Variants in PUM1 observed in about 807,000 individuals in gnomAD.
PUM1 encodes the protein pumilio RNA binding family member 1.
In PUM1, 13 loss-of-function variants were observed where a neutral mutation model predicts 131.8. The ratio of observed to expected loss-of-function variants is 0.10; its 90% CI spans 0.06 to 0.16. PUM1 has a LOEUF of 0.16. PUM1 is among the 10% of genes least tolerant of loss of function. The pLI, the probability that PUM1 is intolerant of heterozygous loss-of-function variation, is 1.00. For missense variants in PUM1, 961 were observed against 1,512.4 expected (o/e 0.64, Z 6.05); for synonymous variants, 509 against 556.5 (o/e 0.91, Z 1.20).
At chr1:31,029,806 C>CAGCA (rs1643352701) in intron 2 of PUM1, among the ~76,000 whole-genome samples, 1 of 151,224 alleles carries the variant, frequency 6.6e-6, no homozygotes, top group Non-Finnish European at 1.5e-5. Flanking sequence ...CCCAGATACT[C>CAGCA]AGCAGGGTGA....
intron 11 of PUM1, chr1:30,968,153 T>C (rs1640701172): frequency 2.6e-6 from 2 of 778,024 alleles, no homozygotes; most frequent in Non-Finnish European, 4.6e-6. Context: ...ATACCTCCAA[T>C]ATGACTTAAG....
In PUM1 at chr1:31,059,440, C is replaced by G; in HGVS notation, c.127G>C (p.Gly43Arg). Residue 43 changes from glycine to arginine, a missense_variant, in exon 2 of 22, where the codon GGG becomes CGG. This residue lies in a region of PUM1 where 654 missense variants were observed against 923.9 expected (regional missense o/e 0.71). Coordinates refer to ENST00000426105, the MANE Select transcript of PUM1 (RefSeq NM_001020658.2). ...GCTGGTTGTGGCTGCGCTTGCGACC[C>G]TGTTCCAGATGTCAAAACAACAGGC... ...NMPVVLTSGT[G>R]SQAQPQPAAN... 6.2e-7 allele frequency: 1 copy of G among 1,614,192 alleles called. No individual in the cohort carries two copies. Among genetic ancestry groups the G allele is most frequent in the Non-Finnish European group, 8.5e-7 (1 of 1,180,034 alleles).
chr1:30,961,704 CAA>C (rs1386972751), intron 14 of PUM1, among the ~76,000 whole-genome samples: 2 of 151,882 alleles, frequency 1.3e-5, no homozygotes, highest in East Asian at 3.9e-4. Flanking sequence ...CCTCCTGGGA[CAA>C]AGTGTAAAAA....
chr1:31,004,701 C>G (rs1642337904), intron 5 of PUM1, among the ~76,000 whole-genome samples: 1 of 152,108 alleles, frequency 6.6e-6, no homozygotes, highest in Non-Finnish European at 1.5e-5. Flanking sequence ...CTTGAGAAAG[C>G]TGCACCAAAA....
intron 3 of PUM1, among the ~76,000 whole-genome samples, chr1:31,019,842 G>C (rs1390809331): frequency 6.6e-6 from 1 of 151,934 alleles, no homozygotes; most frequent in Non-Finnish European, 1.5e-5. Context: ...TATAAGGGAT[G>C]TTATGTTATC....
intron 20 of PUM1, among the ~76,000 whole-genome samples, chr1:30,937,481 A>G (rs1236828343): frequency 6.6e-6 from 1 of 152,014 alleles, no homozygotes; most frequent in Non-Finnish European, 1.5e-5. Flanking sequence ...CTCCAGCCTG[A>G]GCGACAGAGC....
chr1:30,947,415 C>A (rs1639721768), intron 17 of PUM1, among the ~76,000 whole-genome samples: 1 of 152,166 alleles, frequency 6.6e-6, no homozygotes, highest in Non-Finnish European at 1.5e-5. Context: ...AGGAATGGTT[C>A]TCAATTAATG....
chr1:31,048,084 C>CA (rs1431620018), intron 2 of PUM1, among the ~76,000 whole-genome samples: 5 of 151,722 alleles, frequency 3.3e-5, no homozygotes, highest in Non-Finnish European at 7.4e-5. Flanking sequence ...ACTAAAAATA[C>CA]AAAAATTAGC....
At chr1:31,027,064 T>A (rs954146990) in intron 3 of PUM1, among the ~76,000 whole-genome samples, 1 of 152,166 alleles carries the variant, frequency 6.6e-6, no homozygotes, top group South Asian at 2.1e-4. Context: ...TGCTATTCAA[T>A]TAAAATTAAG....
At chr1:30,968,283 C>T (rs1434852798) in intron 11 of PUM1, 71 bp downstream of exon 11, 3 of 1,585,064 alleles carry the variant, frequency 1.9e-6, no homozygotes, top group Non-Finnish European at 2.6e-6. Context: ...CTGCTCATTC[C>T]CCTCTGTAAT....
At chr1:30,985,686 G>A (rs764833217) in intron 7 of PUM1, among the ~76,000 whole-genome samples, 7 of 146,724 alleles carry the variant, frequency 4.8e-5, no homozygotes, top group East Asian at 2.0e-4. Context: ...AAATCTCACC[G>A]CACCAGGACC....
chr1:30,966,988 C>T lies in PUM1; in HGVS notation c.1789+179G>A, dbSNP rs1640648565. 3 of 717,390 alleles carry T rather than the reference C, an allele frequency of 4.2e-6. No homozygotes were observed. In the South Asian group the frequency reaches 7.9e-5, roughly 19 times the overall value. The allele number at this position is 717,390 out of a possible 1,614,324, so 44.4% of individuals were successfully genotyped here. The stretch of plus-strand genomic sequence containing the variant: ...ACCCCTCCCCCAACCCACCAACCCC[C>T]CAACAAAAAGGAGAATCCACTAAGG... On this transcript the variant is annotated intron_variant, in intron 12 of 21. Coordinates refer to ENST00000426105, the MANE Select transcript of PUM1 (RefSeq NM_001020658.2).
intron 5 of PUM1, among the ~76,000 whole-genome samples, chr1:31,005,535 CTTTTA>C (rs1361168012): frequency 1.3e-5 from 2 of 152,020 alleles, no homozygotes; most frequent in Non-Finnish European, 2.9e-5. Flanking sequence ...CCCCCTTTTG[CTTTTA>C]TTTTAAAGTA....
chr1:31,046,398 A>T (rs72659218), intron 2 of PUM1, among the ~76,000 whole-genome samples: 5,872 of 152,232 alleles, frequency 0.039, 169 homozygotes, highest in East Asian at 0.1. Flanking sequence ...AAACAAAATT[A>T]AAAAAATCAA....
intron 7 of PUM1, among the ~76,000 whole-genome samples, chr1:30,989,812 G>A (rs1201168764): frequency 2.0e-5 from 3 of 152,134 alleles, no homozygotes; most frequent in African/African-American, 4.8e-5. Flanking sequence ...TGAAAGATAT[G>A]GTTGGCTACA....
intron 14 of PUM1, among the ~76,000 whole-genome samples, chr1:30,956,914 T>C (rs1640187788): frequency 6.6e-6 from 1 of 152,180 alleles, no homozygotes; most frequent in Admixed American, 6.6e-5. Context: ...AGCCACTCTT[T>C]GTTGGATGTT....
intron 14 of PUM1, among the ~76,000 whole-genome samples, chr1:30,961,783 G>A (rs546581381): frequency 6.6e-6 from 1 of 152,112 alleles, no homozygotes; most frequent in South Asian, 2.1e-4. Context: ...CTAGTTTTGT[G>A]GTCGATATCA....
chr1:31,047,202 A>G (rs577525457), intron 2 of PUM1, among the ~76,000 whole-genome samples: 1 of 152,318 alleles, frequency 6.6e-6, no homozygotes, highest in Non-Finnish European at 1.5e-5. Flanking sequence ...AAAAGAGTAC[A>G]TTCACAGCAA....
intron 2 of PUM1, among the ~76,000 whole-genome samples, chr1:31,039,521 C>T (rs1417958730): frequency 1.3e-5 from 2 of 152,150 alleles, no homozygotes; most frequent in East Asian, 3.9e-4. Flanking sequence ...CTGCACCCAG[C>T]CTACCCAGGC....
Sources: allele counts gnomAD v4.1 joint callset (sites outside exome capture counted in the v4.1 genomes callset), GRCh38; gene constraint gnomAD v4.1.1; regional missense constraint gnomAD v4.1.1; transcripts MANE v1.5; gene names NCBI Gene and HGNC (gene_info 2026-07-23, HGNC 2026-07-21).